Variants in MRPS31 observed in about 807,000 individuals in gnomAD.
MRPS31 encodes small ribosomal subunit protein mS31.
In MRPS31, 32 loss-of-function variants were observed where a neutral mutation model predicts 43.1. The observed-to-expected ratio is 0.74, with a 90% CI of 0.56 to 1.00. MRPS31 has a LOEUF of 1.00. Among genes scored for constraint, MRPS31 ranks in the 50% least tolerant of loss-of-function variants. The pLI, the probability that MRPS31 is intolerant of heterozygous loss-of-function variation, is 0.00. For synonymous variants in MRPS31, 165 were observed against 161.6 expected (o/e 1.02, Z -0.16); for missense variants, 437 against 466.7 (o/e 0.94, Z 0.59).
intron 6 of MRPS31, among the ~76,000 whole-genome samples, chr13:40,739,407 A>G (rs1342516272): frequency 2.0e-5 from 3 of 152,198 alleles, no homozygotes; most frequent in African/African-American, 4.8e-5. Context: ...CAAGCTACCA[A>G]TGACTTTCTT....
intron 5 of MRPS31, among the ~76,000 whole-genome samples, chr13:40,750,012 G>C (rs1388231175): frequency 2.0e-5 from 3 of 152,054 alleles, no homozygotes; most frequent in African/African-American, 7.2e-5. Flanking sequence ...TTCATCCCTG[G>C]ATATATTCAC....
At chr13:40,761,399 C>CTTGTGAA (rs1466504893) in intron 2 of MRPS31, among the ~76,000 whole-genome samples, 3 of 152,196 alleles carry the variant, frequency 2.0e-5, no homozygotes, top group African/African-American at 7.2e-5. Context: ...TTGTGAACTT[C>CTTGTGAA]ATTTTCAAAT....
chr13:40,767,122 T>C (rs955710032), intron 1 of MRPS31, 89 bp from the exon 2 acceptor site: 2 of 1,080,752 alleles, frequency 1.9e-6, no homozygotes, highest in South Asian at 1.8e-5. Context: ...TAAAAAACTA[T>C]GTATCTAAGA....
chr13:40,768,257 A>T (rs992214691), intron 1 of MRPS31, among the ~76,000 whole-genome samples: 4 of 152,230 alleles, frequency 2.6e-5, no homozygotes, highest in African/African-American at 9.6e-5. Flanking sequence ...TGGGCACTAT[A>T]CTAGGTACTG....
intron 3 of MRPS31, 81 bp from the exon 4 acceptor site, chr13:40,757,094 A>G: frequency 9.3e-7 from 1 of 1,070,528 alleles, no homozygotes; most frequent in Non-Finnish European, 1.3e-6. Context: ...GAGACTTGAG[A>G]TCATTTAATT....
chr13:40,742,745 A>G (rs1880136605), intron 6 of MRPS31, among the ~76,000 whole-genome samples: 1 of 152,212 alleles, frequency 6.6e-6, no homozygotes, highest in Admixed American at 6.5e-5. Flanking sequence ...AAGAATAGAA[A>G]CAAAAGTGTG....
At position 40,750,650 on chromosome 13, in the gene MRPS31, T is replaced by G. The variant is rs1316642345; in HGVS notation, c.815-1369A>C. Among the ~76,000 whole-genome samples the G allele has an allele frequency of 5.3e-5, 8 of 150,952 alleles. No individual in the cohort carries two copies. The Middle Eastern group carries it at 0.014, about 262-fold the overall frequency. ...CCAACATCTTTTATCTTTCTTATTT[T>G]TTTCTGGGTGATATCACTTTTTAAA... On this transcript the variant is annotated intron_variant, in intron 5 of 6. Coordinates refer to ENST00000323563, the MANE Select transcript of MRPS31 (RefSeq NM_005830.4).
chr13:40,749,102 C>T (rs767700641), intron 6 of MRPS31, 36 bp downstream of exon 6: 1 of 1,562,210 alleles, frequency 6.4e-7, no homozygotes, highest in Non-Finnish European at 8.6e-7. Flanking sequence ...TAATCTCAAT[C>T]AATACGTTTT....
intron 6 of MRPS31, among the ~76,000 whole-genome samples, chr13:40,738,707 A>C (rs1481369715): frequency 6.6e-6 from 1 of 152,004 alleles, no homozygotes; most frequent in Non-Finnish European, 1.5e-5. Context: ...ATCTCAATAG[A>C]TGCAGAAAAG....
chr13:40,766,541 C>T (rs556414846), intron 2 of MRPS31, among the ~76,000 whole-genome samples: 1 of 152,124 alleles, frequency 6.6e-6, no homozygotes, highest in East Asian at 1.9e-4. Context: ...GTGATCCGCC[C>T]GCCTCGTCCT....
intron 6 of MRPS31, among the ~76,000 whole-genome samples, chr13:40,739,246 T>C (rs1389599001): frequency 6.6e-6 from 1 of 152,130 alleles, no homozygotes; most frequent in Non-Finnish European, 1.5e-5. Flanking sequence ...GTAAAGGACC[T>C]CTTCAAGGAG....
Position 40,749,165 on chromosome 13 carries a change from A to G in MRPS31, c.931T>C (p.Trp311Arg). ...GCTTCATTGTTAATTGGGAACTCCC[A>G]TAGTTTCCCCTCTTTTGTCCACTGG... is the stretch of plus-strand genomic sequence containing the variant. ...LIQWTKEGKL[W>R]EFPINNEAGF... Residue 311 changes from tryptophan (W) to arginine (R), a missense_variant, in exon 6 of 7, where the codon TGG becomes CGG. By Grantham distance (101) the Trp-to-Arg change is moderately radical. Coordinates refer to ENST00000323563, the MANE Select transcript of MRPS31 (RefSeq NM_005830.4). 2.5e-6 allele frequency: 4 copies of G among 1,599,924 alleles called. No homozygotes were observed. Among genetic ancestry groups the G allele is most frequent in the Non-Finnish European group, 3.4e-6 (4 of 1,177,084 alleles).
At chr13:40,744,584 T>G (rs1450702073) in intron 6 of MRPS31, among the ~76,000 whole-genome samples, 1 of 152,242 alleles carries the variant, frequency 6.6e-6, no homozygotes, top group Non-Finnish European at 1.5e-5. Context: ...ATTTTTGAGA[T>G]AGAGTCGCGC....
chr13:40,739,184 CACA>C (rs1880009092), intron 6 of MRPS31, among the ~76,000 whole-genome samples: 1 of 152,094 alleles, frequency 6.6e-6, no homozygotes. Context: ...AACTCCCATT[CACA>C]ATTGCTTCAA....
intron 6 of MRPS31, among the ~76,000 whole-genome samples, chr13:40,747,071 T>TTTTC (rs756188646): frequency 5.3e-5 from 8 of 152,190 alleles, no homozygotes; most frequent in African/African-American, 7.2e-5. Flanking sequence ...TACTGTTTTT[T>TTTTC]TTTCTTTCTT....
At chr13:40,770,609 C>T in intron 1 of MRPS31, 1 of 285,694 alleles carries the variant, frequency 3.5e-6, no homozygotes, top group Non-Finnish European at 6.9e-6. Context: ...GCAGGACTGT[C>T]TCACTTGGGG....
chr13:40,769,969 T>G (rs1246625760), intron 1 of MRPS31, among the ~76,000 whole-genome samples: 1 of 152,242 alleles, frequency 6.6e-6, no homozygotes, highest in Non-Finnish European at 1.5e-5. Context: ...CTTTCCATTT[T>G]TCACACTTTC....
In MRPS31 at chr13:40,766,835, T is replaced by G. The variant is rs771355652; in HGVS notation, c.351A>C (p.Thr117=). Residue 117 remains threonine, a synonymous_variant, in exon 2 of 7, where the codon ACA becomes ACC. Coordinates refer to ENST00000323563, the MANE Select transcript of MRPS31 (RefSeq NM_005830.4). The part of the protein sequence containing the change: ...KVELSTVNVR[T]TKPPKRRPLK... ...GTGGTCTTCTTTTGGGGGGCTTTGT[T>G]GTTCGTACATTTACTGTGCTTAATT... is the stretch of plus-strand genomic sequence containing the variant. 18 of 1,614,210 alleles carry G rather than the reference T, an allele frequency of 1.1e-5. No homozygotes were observed. In the Admixed American group the frequency reaches 2.8e-4, roughly 25 times the overall value.
At chr13:40,733,726 G>A (rs562394257) in intron 6 of MRPS31, among the ~76,000 whole-genome samples, 1 of 152,146 alleles carries the variant, frequency 6.6e-6, no homozygotes, top group African/African-American at 2.4e-5. Context: ...CCAGCACTCT[G>A]GGAGGATGAG....
Sources: allele counts gnomAD v4.1 joint callset (sites outside exome capture counted in the v4.1 genomes callset), GRCh38; gene constraint gnomAD v4.1.1; transcripts MANE v1.5; gene names NCBI Gene and HGNC (gene_info 2026-07-23, HGNC 2026-07-21).